The following CD2AP variants were observed in gnomAD, a reference collection of about 807,000 sequenced individuals.
The protein encoded by CD2AP is CD2 associated protein, also known as CD2-associated protein.
A neutral mutation model predicts 85.1 loss-of-function variants in CD2AP; 46 were observed. The observed-to-expected ratio is 0.54, with a 90% CI of 0.43 to 0.69. The LOEUF (loss-of-function observed/expected upper bound fraction) is 0.69, where lower values mean the gene tolerates loss of function less well. Among genes scored for constraint, CD2AP ranks in the 30% least tolerant of loss-of-function variants. The pLI is 0.00. For synonymous variants in CD2AP, 255 were observed against 252.9 expected, an observed-to-expected ratio of 1.01 and a Z score of -0.08; for missense variants, 769 against 729.5, an observed-to-expected ratio of 1.05 and a Z score of -0.62.
rs143200601 is a variant in CD2AP, at chr6:47,556,601, G to A, written c.541+1835G>A. Among the ~76,000 whole-genome samples, 18 of 151,988 alleles carry A rather than the reference G, an allele frequency of 1.2e-4. No individual in the cohort carries two copies. The East Asian group carries it at 3.1e-3, about 26-fold the overall frequency. ...CGACCTCAGGTGATCCACACGCCTC[G>A]GCCTCCCAAAGTGCTGAGATTACAG... is the stretch of plus-strand genomic sequence containing the variant. On this transcript the variant is annotated intron_variant, in intron 5 of 17. Transcript: ENST00000359314.
rs573017912 is a variant in CD2AP at position 47,501,106 on chromosome 6, G to T, written c.5-2174G>T. On this transcript the variant is annotated intron_variant, in intron 1 of 17. Coordinates refer to ENST00000359314, the MANE Select transcript of CD2AP (RefSeq NM_012120.3). ...CAGAAGAAAGAATTCATTCATCTCA[G>T]CTGGGCATGGTGGCTCACGCCTGTG... Among the ~76,000 whole-genome samples the T allele has an allele frequency of 5.3e-5, 8 of 152,308 alleles. No individual in the cohort carries two copies. The South Asian group carries it at 8.3e-4, about 16-fold the overall frequency.
intron 3 of CD2AP, among the ~76,000 whole-genome samples, chr6:47,543,588 T>A (rs141968689): frequency 9.2e-4 from 140 of 152,306 alleles, no homozygotes; most frequent in South Asian, 5.6e-3. Flanking sequence ...GACCACTGTC[T>A]CCTTGTTTTC....
intron 5 of CD2AP, among the ~76,000 whole-genome samples, chr6:47,556,430 C>A (rs934604236): frequency 6.6e-6 from 1 of 151,410 alleles, no homozygotes; most frequent in Admixed American, 6.6e-5. Context: ...AAGTTTAACT[C>A]TTGTTGCCCA....
At chr6:47,505,415 C>T (rs1187705641) in intron 2 of CD2AP, among the ~76,000 whole-genome samples, 1 of 150,348 alleles carries the variant, frequency 6.7e-6, no homozygotes, top group African/African-American at 2.4e-5. Context: ...TGAAAAGTCT[C>T]CCATGTCTAC....
rs79393209 is a variant in CD2AP at position 47,599,240 on chromosome 6, C to T, written c.1275-61C>T. On this transcript the variant is annotated intron_variant, in intron 12 of 17. Coordinates refer to ENST00000359314, the MANE Select transcript of CD2AP (RefSeq NM_012120.3). ...TACAATCTTTAATGTCATTAAATCA[C>T]AATTTAAAAAAAAGTCGTGTTTCAT... The T allele has an allele frequency of 3.0e-3, 4,243 of 1,400,330 alleles. 78 individuals carry two copies. The African/African-American group carries it at 0.039, about 13-fold the overall frequency. The allele number at this position is 1,400,330 out of a possible 1,614,324, so 86.7% of individuals were successfully genotyped here. A position where few individuals can be genotyped will look rare whatever the true frequency, so the allele number is the denominator to read the frequency against.
intron 1 of CD2AP, among the ~76,000 whole-genome samples, chr6:47,502,959 T>C (rs540247625): frequency 6.6e-6 from 1 of 152,266 alleles, no homozygotes; most frequent in African/African-American, 2.4e-5. Context: ...TACGAGGAAG[T>C]GGGGATCATG....
At chr6:47,568,667 C>G (rs995476612) in intron 5 of CD2AP, among the ~76,000 whole-genome samples, 1 of 152,144 alleles carries the variant, frequency 6.6e-6, no homozygotes, top group East Asian at 1.9e-4. Flanking sequence ...TCGCTTGAAC[C>G]TGGGAGGCGG....
intron 1 of CD2AP, among the ~76,000 whole-genome samples, chr6:47,481,329 TGTG>T (rs745352714): frequency 5.6e-4 from 85 of 152,118 alleles, no homozygotes; most frequent in Non-Finnish European, 1.1e-3. Flanking sequence ...ATATCAGTCA[TGTG>T]GTGGTGTTTT....
intron 1 of CD2AP, among the ~76,000 whole-genome samples, chr6:47,494,313 A>C (rs2113970649): frequency 6.6e-6 from 1 of 152,308 alleles, no homozygotes; most frequent in Non-Finnish European, 1.5e-5. Context: ...GGGTTTCCCT[A>C]AGAACTCTTT....
chr6:47,561,304 G>A lies in CD2AP; in HGVS notation c.541+6538G>A, dbSNP rs894155977. Among the ~76,000 whole-genome samples the A allele has an allele frequency of 5.3e-4, 80 of 151,954 alleles. 5 individuals carry two copies. Among genetic ancestry groups the A allele is most frequent in the Non-Finnish European group, 1.5e-4 (10 of 68,000 alleles). ...TTTCTTTTTCTGCCCTTAGTCCTAG[G>A]CAATCATAGATCTGGTTTGTCATTA... is the stretch of plus-strand genomic sequence containing the variant. On this transcript the variant is annotated intron_variant, in intron 5 of 17. Transcript: ENST00000359314.
At chr6:47,622,640 G>A (rs1260597387) in intron 17 of CD2AP, among the ~76,000 whole-genome samples, 1 of 152,206 alleles carries the variant, frequency 6.6e-6, no homozygotes, top group Admixed American at 6.5e-5. Context: ...GTTCGGGAGA[G>A]GAGGGTCTCC....
rs776951885 is a variant in CD2AP, at chr6:47,580,920, T to C, written c.1045+20T>C. 2.6e-6 allele frequency: 4 copies of C among 1,563,334 alleles called. No individual in the cohort carries two copies. The highest frequency in any genetic ancestry group is 3.5e-6 in the Non-Finnish European group (4 of 1,134,200). ...CTCCAGGTATGTAAGAAGCATATTA[T>C]TCAGTTTGCTATTTTCCATTTTTTA... On this transcript the variant is annotated intron_variant, in intron 10 of 17. Transcript: ENST00000359314.
intron 1 of CD2AP, among the ~76,000 whole-genome samples, chr6:47,488,167 G>A (rs977022687): frequency 2.0e-5 from 3 of 151,602 alleles, no homozygotes; most frequent in Admixed American, 6.6e-5. Context: ...TACCTACTCC[G>A]TGTGTATAAA....
intron 14 of CD2AP, among the ~76,000 whole-genome samples, chr6:47,606,587 G>T (rs1473358567): frequency 6.6e-6 from 1 of 151,932 alleles, no homozygotes; most frequent in East Asian, 1.9e-4. Flanking sequence ...AAATTGAGCA[G>T]CAGATACTCA....
At position 47,626,752 on chromosome 6, in the gene CD2AP, A is replaced by G. The variant is rs1303605606; in HGVS notation, c.*2525A>G. On this transcript the variant is annotated 3_prime_UTR_variant, in exon 18 of 18. Coordinates refer to ENST00000359314, the MANE Select transcript of CD2AP (RefSeq NM_012120.3). Reference sequence around the variant, plus strand: ...AAAATTAAAAATCCAAGTGCTCTCTAGATTTGTTGATAAACATTTTATGCT... The same window carrying G: ...AAAATTAAAAATCCAAGTGCTCTCTGGATTTGTTGATAAACATTTTATGCT... The G allele has an allele frequency of 6.6e-6, 1 of 152,448 alleles. No individual in the cohort carries two copies. The highest frequency in any genetic ancestry group is 1.5e-5 in the Non-Finnish European group (1 of 67,890). The allele number at this position is 152,448 out of a possible 1,614,324, so 9.4% of individuals were successfully genotyped here.
chr6:47,528,526 A>G (rs1766786666), intron 2 of CD2AP, among the ~76,000 whole-genome samples: 1 of 152,182 alleles, frequency 6.6e-6, no homozygotes, highest in African/African-American at 2.4e-5. Flanking sequence ...TTATTTCTGG[A>G]TTAGAGTGTT....
intron 6 of CD2AP, among the ~76,000 whole-genome samples, chr6:47,576,144 A>C (rs1346241904): frequency 1.3e-5 from 2 of 152,170 alleles, no homozygotes; most frequent in Non-Finnish European, 2.9e-5. Context: ...GTACAATCAT[A>C]GCTCACTTAT....
intron 4 of CD2AP, 41 bp from the exon 5 acceptor site, chr6:47,554,605 A>T (rs764528062): frequency 6.2e-7 from 1 of 1,611,464 alleles, no homozygotes; most frequent in Non-Finnish European, 8.5e-7. Context: ...ATTTTCACTT[A>T]ACAGAAGTTG....
chr6:47,609,995 A>G (rs774529187), intron 16 of CD2AP, among the ~76,000 whole-genome samples: 2 of 152,204 alleles, frequency 1.3e-5, no homozygotes, highest in Non-Finnish European at 2.9e-5. Flanking sequence ...GGACATTTAT[A>G]AAATGAATGT....
Sources: gnomAD v4.1 joint callset for allele counts (sites outside exome capture counted in the v4.1 genomes callset) on GRCh38, gnomAD v4.1.1 for gene constraint, MANE v1.5 for transcripts, NCBI Gene and HGNC (gene_info 2026-07-23, HGNC 2026-07-21) for gene names.